The following CHODL variants were observed in gnomAD, a reference collection of about 807,000 sequenced individuals.
The protein encoded by CHODL is transmembrane protein MT75.
In CHODL, 29 loss-of-function variants were observed where a neutral mutation model predicts 34.5. The ratio of observed to expected loss-of-function variants is 0.84; its 90% confidence interval spans 0.63 to 1.15. CHODL has a LOEUF of 1.15. Among genes scored for constraint, CHODL ranks in the 50% most tolerant of loss-of-function variants. The pLI is 0.00. For missense variants in CHODL, 332 were observed against 332.5 expected, an observed-to-expected ratio of 1.00 and a Z score of 0.01; for synonymous variants, 125 against 116.1, an observed-to-expected ratio of 1.08 and a Z score of -0.49.
chr21:18,199,674 T>C (rs2073629950), intron 2 of CHODL, among the ~76,000 whole-genome samples: 1 of 152,158 alleles, frequency 6.6e-6, no homozygotes, highest in South Asian at 2.1e-4. Context: ...TAACTATGGT[T>C]TTGTCTATTA....
intron 2 of CHODL, among the ~76,000 whole-genome samples, chr21:18,194,518 T>A (rs925164202): frequency 6.6e-6 from 1 of 152,144 alleles, no homozygotes; most frequent in Non-Finnish European, 1.5e-5. Context: ...AAATAAAACT[T>A]CTTGTGTTTC....
At chr21:18,036,291 C>A (rs1858116107) in intron 2 of CHODL, among the ~76,000 whole-genome samples, 1 of 151,976 alleles carries the variant, frequency 6.6e-6, no homozygotes, top group Admixed American at 6.6e-5. Flanking sequence ...GGAATATTAC[C>A]TGTAATCCTT....
chr21:17,989,996 T>C (rs1025491458), intron 1 of CHODL, among the ~76,000 whole-genome samples: 2 of 152,086 alleles, frequency 1.3e-5, no homozygotes, highest in Non-Finnish European at 2.9e-5. Context: ...CTTTGTCTCC[T>C]ACAGAGCTGT....
At chr21:18,101,352 A>G (rs1119296) in intron 2 of CHODL, among the ~76,000 whole-genome samples, 72,383 of 151,536 alleles carry the variant, frequency 0.48, 18,189 homozygotes, top group African/African-American at 0.56. Flanking sequence ...TTTATCAGCA[A>G]CGTGAAAATG....
intron 2 of CHODL, among the ~76,000 whole-genome samples, chr21:18,094,204 A>ATATATACTT (rs1408171644): frequency 6.6e-6 from 1 of 152,180 alleles, no homozygotes; most frequent in Non-Finnish European, 1.5e-5. Flanking sequence ...CAAACACTGG[A>ATATATACTT]GCACCCAGAT....
At position 18,078,550 on chromosome 21, in the gene CHODL, A is replaced by C. The variant is rs1288069108; in HGVS notation, c.-45+50579A>C. On this transcript the variant is annotated intron_variant, in intron 2 of 6. Coordinates refer to the CHODL transcript ENST00000400127. ...AAGCAGTTAACAGATATTATTGCAG[A>C]TACATCGACTTTTGAATTAATCTTT... 2.6e-5 allele frequency among the ~76,000 whole-genome samples: 4 copies of C among 152,194 alleles called. 1 individual carries two copies. In the South Asian group the frequency reaches 8.3e-4, roughly 32 times the overall value.
rs966608038 is a variant in CHODL, at chr21:17,954,728, C to G, written c.-145+37328C>G. Among the ~76,000 whole-genome samples the G allele has an allele frequency of 4.5e-5, 6 of 133,802 alleles. 1 individual carries two copies. The highest frequency in any genetic ancestry group is 1.0e-4 in the Non-Finnish European group (6 of 59,248). 87.8% of individuals were successfully genotyped at this position (133,802 alleles called of 152,430 possible). A position where few individuals can be genotyped will look rare whatever the true frequency, so the allele number is the denominator to read the frequency against. ...GTACACCACCAGCTTTCCTGAATCT[C>G]CAGCTTGCAGATACATATTGCAAGA... is the stretch of plus-strand genomic sequence containing the variant. On this transcript the variant is annotated intron_variant, in intron 1 of 6. Coordinates refer to the CHODL transcript ENST00000400127.
intron 1 of CHODL, among the ~76,000 whole-genome samples, chr21:18,248,684 ATATTATATACATATATATG>A (rs2074179459): frequency 1.6e-5 from 2 of 122,206 alleles, no homozygotes; most frequent in Non-Finnish European, 3.2e-5. Context: ...ATATATGTAT[ATATTATATACATATATATG>A]TATATAATAT....
intron 4 of CHODL, 55 bp downstream of exon 4, chr21:18,260,341 G>A (rs781696396): frequency 8.9e-7 from 1 of 1,126,574 alleles, no homozygotes; most frequent in Non-Finnish European, 1.3e-6. Context: ...ACTTTCAAAC[G>A]CTGCTTCATG....
intron 2 of CHODL, among the ~76,000 whole-genome samples, chr21:18,120,565 T>C (rs1370130376): frequency 6.6e-6 from 1 of 152,162 alleles, no homozygotes; most frequent in Non-Finnish European, 1.5e-5. Flanking sequence ...CACAAAACAT[T>C]TATTGGAAAC....
intron 2 of CHODL, among the ~76,000 whole-genome samples, chr21:18,094,005 G>T (rs1387848150): frequency 2.0e-5 from 3 of 151,948 alleles, no homozygotes; most frequent in African/African-American, 7.2e-5. Flanking sequence ...GATACACATA[G>T]ACTGAAAATA....
chr21:17,973,023 CA>C (rs201438319), intron 1 of CHODL, among the ~76,000 whole-genome samples: 5,319 of 152,178 alleles, frequency 0.035, 129 homozygotes, highest in South Asian at 0.096. Context: ...ACAAACCTGA[CA>C]AAAACAAGCA....
intron 2 of CHODL, among the ~76,000 whole-genome samples, chr21:18,108,020 G>T (rs979067101): frequency 8.5e-5 from 13 of 152,264 alleles, no homozygotes; most frequent in Admixed American, 2.6e-4. Flanking sequence ...GGATTTGCTT[G>T]CCCTGTCTTT....
intron 1 of CHODL, among the ~76,000 whole-genome samples, chr21:17,968,328 A>G (rs902617273): frequency 6.6e-6 from 1 of 152,130 alleles, no homozygotes; most frequent in African/African-American, 2.4e-5. Flanking sequence ...CCGATTATTT[A>G]CTGTTTTCCC....
chr21:18,028,075 T>C (rs891418847), intron 2 of CHODL: 1 of 152,154 alleles, frequency 6.6e-6, no homozygotes, highest in African/African-American at 2.4e-5. Flanking sequence ...TCAATACAAA[T>C]ACAACAATGA....
At chr21:18,246,050 TTTC>T (rs1224465457) in intron 1 of CHODL, 47 of 986,564 alleles carry the variant, frequency 4.8e-5, no homozygotes, top group Non-Finnish European at 5.7e-5. Context: ...GTCTTTGATT[TTTC>T]TTTTTTTGAC....
intron 1 of CHODL, among the ~76,000 whole-genome samples, chr21:17,995,863 C>A (rs1485491152): frequency 6.6e-6 from 1 of 152,120 alleles, no homozygotes; most frequent in Non-Finnish European, 1.5e-5. Flanking sequence ...AGTGTAGCCC[C>A]AAATCTCATT....
intron 2 of CHODL, among the ~76,000 whole-genome samples, chr21:18,231,290 T>C (rs2073976374): frequency 6.6e-6 from 1 of 152,194 alleles, no homozygotes; most frequent in Non-Finnish European, 1.5e-5. Context: ...CGTCATGAAA[T>C]GACACTGCTC....
chr21:17,967,977 G>A (rs1035255264), intron 1 of CHODL, among the ~76,000 whole-genome samples: 5 of 152,164 alleles, frequency 3.3e-5, no homozygotes, highest in Admixed American at 3.3e-4. Context: ...TGGAACAATG[G>A]TCTCTATTAA....
Sources: allele counts gnomAD v4.1 joint callset (sites outside exome capture counted in the v4.1 genomes callset), GRCh38; gene constraint gnomAD v4.1.1; transcripts MANE v1.5; gene names NCBI Gene and HGNC (gene_info 2026-07-23, HGNC 2026-07-21).